The following CAMTA1 variants were observed in gnomAD, a reference collection of about 807,000 sequenced individuals.
CAMTA1 encodes calmodulin-binding transcription activator 1.
In CAMTA1, 27 loss-of-function variants were observed where a neutral mutation model predicts 170.9. The ratio of observed to expected loss-of-function variants is 0.16; its 90% CI spans 0.12 to 0.22. The LOEUF (loss-of-function observed/expected upper bound fraction) is 0.22, where lower values mean the gene tolerates loss of function less well. CAMTA1 is among the 10% of genes least tolerant of loss of function. CAMTA1 has a pLI of 1.00. For synonymous variants in CAMTA1, 833 were observed against 891.5 expected, an observed-to-expected ratio of 0.93 and a Z score of 1.17; for missense variants, 1,619 against 2,217.2, an observed-to-expected ratio of 0.73 and a Z score of 5.42.
At chr1:7,187,432 T>C (rs1032048508) in intron 4 of CAMTA1, among the ~76,000 whole-genome samples, 2 of 152,212 alleles carry the variant, frequency 1.3e-5, no homozygotes, top group African/African-American at 4.8e-5. Flanking sequence ...ATGGTGATTT[T>C]TTTTAACGTC....
intron 6 of CAMTA1, among the ~76,000 whole-genome samples, chr1:7,533,009 A>T (rs1407532603): frequency 6.6e-6 from 1 of 152,168 alleles, no homozygotes; most frequent in Non-Finnish European, 1.5e-5. Context: ...AATAATTAGT[A>T]CGTTGTTTTC....
intron 5 of CAMTA1, among the ~76,000 whole-genome samples, chr1:7,347,880 C>T (rs538495275): frequency 8.5e-5 from 13 of 152,354 alleles, no homozygotes; most frequent in African/African-American, 3.1e-4. Flanking sequence ...ACTATATCAT[C>T]TCCATCCTTA....
intron 5 of CAMTA1, among the ~76,000 whole-genome samples, chr1:7,416,098 TC>T (rs546562289): frequency 7.7e-4 from 118 of 152,304 alleles, no homozygotes; most frequent in African/African-American, 2.7e-3. Flanking sequence ...CCCACTCTCT[TC>T]TGGCTTGTAG....
Position 7,724,612 on chromosome 1 carries a change from C to G in CAMTA1, c.2915-7836C>G, listed in dbSNP as rs550654026. On this transcript the variant is annotated intron_variant, in intron 11 of 22. Transcript: ENST00000303635. ...CTTTGGGAGGCTGAGGTGGGCAGATCACGAAGTCAGGAGATTGAGACCATC... is the reference window on the plus strand; with the variant it reads ...CTTTGGGAGGCTGAGGTGGGCAGATGACGAAGTCAGGAGATTGAGACCATC... Among the ~76,000 whole-genome samples the G allele has an allele frequency of 2.0e-5, 3 of 152,042 alleles. No homozygotes were observed. In the South Asian group the frequency reaches 6.2e-4, roughly 32 times the overall value.
chr1:7,034,689 C>T (rs1330314308), intron 3 of CAMTA1, among the ~76,000 whole-genome samples: 1 of 152,164 alleles, frequency 6.6e-6, no homozygotes, highest in Non-Finnish European at 1.5e-5. Context: ...CCTCCTGTGC[C>T]ATGGTTTGGA....
At chr1:7,119,151 C>G (rs752231096) in intron 4 of CAMTA1, among the ~76,000 whole-genome samples, 3 of 152,076 alleles carry the variant, frequency 2.0e-5, no homozygotes, top group Non-Finnish European at 4.4e-5. Context: ...GGATTAAATG[C>G]TTTCTGTGTT....
chr1:7,488,135 C>T (rs1039891586), intron 6 of CAMTA1, among the ~76,000 whole-genome samples: 2 of 152,296 alleles, frequency 1.3e-5, no homozygotes, highest in Middle Eastern at 3.4e-3. Flanking sequence ...CTCTCTGGAG[C>T]CTTTCTGGAA....
chr1:7,567,121 C>T (rs932322506), intron 6 of CAMTA1, among the ~76,000 whole-genome samples: 5 of 152,204 alleles, frequency 3.3e-5, no homozygotes, highest in African/African-American at 1.2e-4. Flanking sequence ...AACTCCAGAG[C>T]AGGGGTCCGT....
intron 5 of CAMTA1, among the ~76,000 whole-genome samples, chr1:7,444,471 C>A (rs2149426474): frequency 6.6e-6 from 1 of 152,344 alleles, no homozygotes; most frequent in Middle Eastern, 3.4e-3. Context: ...GCACTCTGCC[C>A]AGCCCAAGGT....
At chr1:6,916,390 C>T (rs185295452) in intron 3 of CAMTA1, among the ~76,000 whole-genome samples, 109 of 152,284 alleles carry the variant, frequency 7.2e-4, no homozygotes, top group Admixed American at 1.4e-3. Flanking sequence ...CTGTAAGGCC[C>T]GCCCCACCTC....
intron 5 of CAMTA1, among the ~76,000 whole-genome samples, chr1:7,254,469 T>G (rs7544004): frequency 0.57 from 87,349 of 152,056 alleles, 25,503 homozygotes; most frequent in Non-Finnish European, 0.62. Flanking sequence ...ACTGTCATTT[T>G]CAGATGTGAA....
At chr1:7,344,077 C>T (rs2084040983) in intron 5 of CAMTA1, among the ~76,000 whole-genome samples, 1 of 152,196 alleles carries the variant, frequency 6.6e-6, no homozygotes, top group African/African-American at 2.4e-5. Context: ...AACAAACCAT[C>T]CCACACAACC....
chr1:7,768,059 T>A lies in CAMTA1; in HGVS notation c.*1568T>A, dbSNP rs567486080. 12 of 148,740 alleles carry A rather than the reference T, an allele frequency of 8.1e-5. No homozygotes were observed. The highest frequency in any genetic ancestry group is 2.7e-4 in the African/African-American group (11 of 40,272). The allele number at this position is 148,740 out of a possible 1,614,324, so 9.2% of individuals were successfully genotyped here. On this transcript the variant is annotated 3_prime_UTR_variant, in exon 23 of 23. Coordinates refer to ENST00000303635, the MANE Select transcript of CAMTA1 (RefSeq NM_015215.4). ...GCAAAACAGATAATCATAAGATGAA[T>A]CAGTATGTAGCTTAACACCATCCAC...
chr1:7,647,880 T>C (rs2149002653), intron 7 of CAMTA1, among the ~76,000 whole-genome samples: 1 of 152,246 alleles, frequency 6.6e-6, no homozygotes, highest in East Asian at 1.9e-4. Flanking sequence ...GCCCAGGAGT[T>C]CAAGATCAGC....
At chr1:7,281,262 A>G (rs1265077266) in intron 5 of CAMTA1, among the ~76,000 whole-genome samples, 1 of 152,142 alleles carries the variant, frequency 6.6e-6, no homozygotes. Flanking sequence ...CAATTCAAGA[A>G]TCTCTTTGAA....
intron 5 of CAMTA1, among the ~76,000 whole-genome samples, chr1:7,410,758 C>A (rs912013903): frequency 3.3e-5 from 5 of 152,138 alleles, no homozygotes; most frequent in African/African-American, 4.8e-5. Flanking sequence ...AGCTTGCAGG[C>A]GCTTTAATGC....
intron 4 of CAMTA1, among the ~76,000 whole-genome samples, chr1:7,103,256 G>T (rs1642957222): frequency 6.6e-6 from 1 of 152,056 alleles, no homozygotes; most frequent in Admixed American, 6.6e-5. Context: ...AAGAACCCGG[G>T]AGTGCTCACA....
At position 6,901,072 on chromosome 1, in the gene CAMTA1, A is replaced by G. The variant is rs565854369; in HGVS notation, c.234+75862A>G. Among the ~76,000 whole-genome samples the G allele has an allele frequency of 1.6e-4, 24 of 152,164 alleles. No homozygotes were observed. The East Asian group carries it at 3.7e-3, about 23-fold the overall frequency. ...ATAAATCAATGGAACCAAATAGGGA[A>G]TCCAGAAACAGATCCACACATAGAT... is the stretch of plus-strand genomic sequence containing the variant. On this transcript the variant is annotated intron_variant, in intron 3 of 22. Transcript: ENST00000303635.
chr1:7,734,414 A>C (rs1479743942), intron 12 of CAMTA1, among the ~76,000 whole-genome samples: 1 of 152,236 alleles, frequency 6.6e-6, no homozygotes, highest in African/African-American at 2.4e-5. Flanking sequence ...CTCAAACGCT[A>C]TGCAACTGGC....
Sources: allele counts gnomAD v4.1 joint callset (sites outside exome capture counted in the v4.1 genomes callset), GRCh38; gene constraint gnomAD v4.1.1; transcripts MANE v1.5; gene names NCBI Gene and HGNC (gene_info 2026-07-23, HGNC 2026-07-21).